The following ZNF654 variants were observed in gnomAD, a reference collection of about 807,000 sequenced individuals.
The protein encoded by ZNF654 is zinc finger protein 654.
A neutral mutation model predicts 95.3 loss-of-function variants in ZNF654; 19 were observed. The ratio of observed to expected loss-of-function variants is 0.20; its 90% CI spans 0.14 to 0.29. The LOEUF is 0.29. ZNF654 is among the 10% of genes least tolerant of loss of function. ZNF654 has a pLI of 1.00. For missense variants in ZNF654, 1,046 were observed against 1,341.0 expected, an observed-to-expected ratio of 0.78 and a Z score of 3.44; for synonymous variants, 413 against 457.9, an observed-to-expected ratio of 0.90 and a Z score of 1.25.
rs1707211263 is a variant in ZNF654 at position 88,143,233 on chromosome 3, T to C, written c.*1581T>C. ...TCATGATAGATCAGATGATTTTTTT[T>C]TAATTTCCCGGTTTTATTGGTTTAT... On this transcript the variant is annotated 3_prime_UTR_variant, in exon 9 of 9. Transcript: ENST00000636215. 3 of 152,234 alleles carry C rather than the reference T, an allele frequency of 2.0e-5. No individual in the cohort carries two copies. The highest frequency in any genetic ancestry group is 4.1e-4 in the South Asian group (2 of 4,824). 9.4% of individuals were successfully genotyped at this position (152,234 alleles called of 1,614,324 possible).
intron 1 of ZNF654, among the ~76,000 whole-genome samples, chr3:88,065,210 A>C (rs938524074): frequency 2.0e-5 from 3 of 152,210 alleles, no homozygotes; most frequent in African/African-American, 7.2e-5. Context: ...CGTTTATTAT[A>C]ATTAGGAAAA....
At chr3:88,092,570 T>TTAAGGCACCTGGATATTAACAGATTTCAA (rs1278489780) in intron 2 of ZNF654, among the ~76,000 whole-genome samples, 2 of 152,298 alleles carry the variant, frequency 1.3e-5, no homozygotes, top group South Asian at 4.1e-4. Flanking sequence ...AACAGAATGT[T>TTAAGGCACCTGGATATTAACAGATTTCAA]TAAGGCACCT....
At chr3:88,112,276 A>C (rs1206451877) in intron 2 of ZNF654, among the ~76,000 whole-genome samples, 1 of 90,538 alleles carries the variant, frequency 1.1e-5, no homozygotes, top group Non-Finnish European at 2.5e-5. Context: ...GTTTTGATTA[A>C]AAGCAAAAAC....
chr3:88,096,680 C>G (rs7615309), intron 2 of ZNF654, among the ~76,000 whole-genome samples: 143,149 of 152,168 alleles, frequency 0.94, 67,856 homozygotes, highest in Non-Finnish European at 1. Flanking sequence ...ACCCTTTTAG[C>G]GGCTTGCTTT....
intron 6 of ZNF654, among the ~76,000 whole-genome samples, chr3:88,132,139 A>G (rs1220681706): frequency 6.6e-6 from 1 of 152,180 alleles, no homozygotes; most frequent in Non-Finnish European, 1.5e-5. Context: ...ATTGTGTTCA[A>G]GCCATTCAGC....
At position 88,139,652 on chromosome 3, in the gene ZNF654, C is replaced by A; in HGVS notation, c.1983C>A (p.Phe661Leu). 6.2e-7 allele frequency: 1 copy of A among 1,611,648 alleles called. No homozygotes were observed. Among genetic ancestry groups the A allele is most frequent in the South Asian group, 1.1e-5 (1 of 90,806 alleles). The change falls in exon 8 of 9, where the codon TTC (phenylalanine) becomes TTA (leucine). Residue 661 changes from phenylalanine to leucine, a missense_variant. Phe to Leu is a conservative substitution (Grantham distance 22). Transcript: ENST00000636215. ...KEVIPEHVAE[F>L]IEIPISVPED... ...TCATCCCTGAGCATGTGGCTGAATTCATTGAAATTCCCATAAGTGTACCAG... is the reference window on the plus strand; with the variant it reads ...TCATCCCTGAGCATGTGGCTGAATTAATTGAAATTCCCATAAGTGTACCAG...
chr3:88,060,887 T>G (rs1203547382), intron 1 of ZNF654, among the ~76,000 whole-genome samples: 2 of 152,156 alleles, frequency 1.3e-5, no homozygotes, highest in East Asian at 3.9e-4. Flanking sequence ...AGGTAAGTTT[T>G]TAATGCTTTA....
At chr3:88,077,546 G>C (rs370701518) in intron 1 of ZNF654, among the ~76,000 whole-genome samples, 1 of 151,982 alleles carries the variant, frequency 6.6e-6, no homozygotes, top group Non-Finnish European at 1.5e-5. Flanking sequence ...TGTGTATGGG[G>C]AATCATTGTT....
chr3:88,067,854 T>C (rs1707288899), intron 1 of ZNF654, among the ~76,000 whole-genome samples: 3 of 151,974 alleles, frequency 2.0e-5, no homozygotes. Flanking sequence ...ACTGGAGGCA[T>C]TGTGGATTGA....
rs550224835 is a variant in ZNF654 at position 88,108,225 on chromosome 3, A to G, written c.333-4890A>G. ...GTAGTTTTTTTTTTTTCCTATTTCTACTTAGCTCCAAGTTCACACTGGCAG... is the reference window on the plus strand; with the variant it reads ...GTAGTTTTTTTTTTTTCCTATTTCTGCTTAGCTCCAAGTTCACACTGGCAG... On this transcript the variant is annotated intron_variant, in intron 2 of 8. Transcript: ENST00000636215. 1.1e-4 allele frequency among the ~76,000 whole-genome samples: 17 copies of G among 151,502 alleles called. No individual in the cohort carries two copies. In the South Asian group the frequency reaches 3.5e-3, roughly 32 times the overall value.
intron 2 of ZNF654, among the ~76,000 whole-genome samples, chr3:88,108,422 T>C (rs966518121): frequency 3.3e-5 from 5 of 152,216 alleles, no homozygotes; most frequent in Non-Finnish European, 5.9e-5. Context: ...TCTTTAGTTT[T>C]GTCTGTACAA....
intron 1 of ZNF654, among the ~76,000 whole-genome samples, chr3:88,067,814 C>T (rs1308805022): frequency 6.6e-6 from 1 of 151,614 alleles, no homozygotes; most frequent in African/African-American, 2.4e-5. Flanking sequence ...TACAAATAAC[C>T]TATAAAGGAG....
rs1468113038 is a variant in ZNF654 at position 88,144,254 on chromosome 3, ATACT to A, written c.*2605_*2608del. ...TTTTTTTGAAACCACCAATTATATA[ATACT>A]TAAATAATTTATATCATTGAACTTG... On this transcript the variant is annotated 3_prime_UTR_variant, in exon 9 of 9. Coordinates refer to ENST00000636215, the MANE Select transcript of ZNF654 (RefSeq NM_001350134.2). The A allele has an allele frequency of 6.6e-6, 1 of 152,296 alleles. No homozygotes were observed. Among genetic ancestry groups the A allele is most frequent in the African/African-American group, 2.4e-5 (1 of 41,402 alleles). The allele number at this position is 152,296 out of a possible 1,614,324, so 9.4% of individuals were successfully genotyped here.
intron 4 of ZNF654, among the ~76,000 whole-genome samples, chr3:88,127,907 T>C (rs1232280757): frequency 6.6e-6 from 1 of 152,208 alleles, no homozygotes; most frequent in Non-Finnish European, 1.5e-5. Context: ...CAAATCAGTG[T>C]TTGCATATCA....
chr3:88,092,821 T>TAA (rs1053974636), intron 2 of ZNF654, among the ~76,000 whole-genome samples: 5 of 152,316 alleles, frequency 3.3e-5, no homozygotes, highest in African/African-American at 7.2e-5. Flanking sequence ...TCCACCTTAA[T>TAA]AAAAGCCTTT....
At chr3:88,130,986 C>T (rs1706423711) in intron 6 of ZNF654, among the ~76,000 whole-genome samples, 1 of 152,100 alleles carries the variant, frequency 6.6e-6, no homozygotes, top group African/African-American at 2.4e-5. Context: ...CCTTTATATA[C>T]AGTTATGCAG....
At chr3:88,113,234 T>G in intron 3 of ZNF654, 38 bp downstream of exon 3, 8 of 1,312,810 alleles carry the variant, frequency 6.1e-6, no homozygotes, top group Non-Finnish European at 8.4e-6. Flanking sequence ...TTGTCTACAC[T>G]TAAAATAGAC....
At chr3:88,099,466 G>GA (rs1384620650) in intron 2 of ZNF654, among the ~76,000 whole-genome samples, 3 of 152,204 alleles carry the variant, frequency 2.0e-5, no homozygotes, top group African/African-American at 7.2e-5. Flanking sequence ...CACAGAATTG[G>GA]AAAAAACTAC....
chr3:88,104,192 G>A (rs1704603001), intron 2 of ZNF654, among the ~76,000 whole-genome samples: 1 of 152,202 alleles, frequency 6.6e-6, no homozygotes. Flanking sequence ...AGCACCAGAT[G>A]CTGGACAGAA....
Sources: gnomAD v4.1 joint callset for allele counts (sites outside exome capture counted in the v4.1 genomes callset) on GRCh38, gnomAD v4.1.1 for gene constraint, MANE v1.5 for transcripts, NCBI Gene and HGNC (gene_info 2026-07-23, HGNC 2026-07-21) for gene names.